The following WDR7 variants were observed in gnomAD, a reference collection of about 807,000 sequenced individuals.
The protein encoded by WDR7 is WD repeat-containing protein 7.
Under a neutral mutation model 169.4 loss-of-function variants are expected in WDR7, and 46 were observed. That is an observed-to-expected ratio of 0.27 (90% CI 0.21 to 0.35). WDR7 has a LOEUF of 0.35. WDR7 is among the 10% of genes least tolerant of loss of function. The probability of loss-of-function intolerance (pLI) is 1.00; values close to 1 mark genes in which losing one functional copy is unlikely to be tolerated. For missense variants in WDR7, 1,534 were observed against 1,859.3 expected (o/e 0.83, Z 3.22); for synonymous variants, 612 against 666.8 (o/e 0.92, Z 1.27).
At chr18:56,818,306 G>A (rs1012991719) in intron 20 of WDR7, among the ~76,000 whole-genome samples, 1 of 152,160 alleles carries the variant, frequency 6.6e-6, no homozygotes, top group South Asian at 2.1e-4. Context: ...TTTGAATTAT[G>A]CACTACCAAA....
intron 20 of WDR7, among the ~76,000 whole-genome samples, chr18:56,817,343 C>CAAAAA (rs79929553): frequency 6.8e-4 from 48 of 70,648 alleles, no homozygotes; most frequent in African/African-American, 2.1e-3. Flanking sequence ...GACTCTGTCT[C>CAAAAA]AAAAAAAAAA....
intron 26 of WDR7, among the ~76,000 whole-genome samples, chr18:57,017,318 A>G (rs1460135876): frequency 6.6e-6 from 1 of 152,234 alleles, no homozygotes; most frequent in Non-Finnish European, 1.5e-5. Context: ...CTTACGAGAC[A>G]GCAGGTCTGT....
At chr18:56,821,657 T>TC (rs1167439087) in intron 20 of WDR7, among the ~76,000 whole-genome samples, 1 of 151,514 alleles carries the variant, frequency 6.6e-6, no homozygotes. Context: ...TCCTTTTTTT[T>TC]TTTTTGACAT....
intron 26 of WDR7, among the ~76,000 whole-genome samples, chr18:57,014,199 ACC>A: frequency 6.6e-6 from 1 of 151,724 alleles, no homozygotes; most frequent in South Asian, 2.1e-4. Context: ...CATGGCATGC[ACC>A]TGTAATCCCA....
intron 20 of WDR7, among the ~76,000 whole-genome samples, chr18:56,854,097 A>G (rs1055451093): frequency 6.6e-6 from 1 of 152,308 alleles, no homozygotes; most frequent in Admixed American, 6.5e-5. Flanking sequence ...TGCAGTCGGC[A>G]CAGAAGCCTT....
intron 26 of WDR7, among the ~76,000 whole-genome samples, chr18:56,984,397 T>C (rs1408410746): frequency 6.6e-6 from 1 of 152,222 alleles, no homozygotes; most frequent in South Asian, 2.1e-4. Flanking sequence ...TGTTCCTTTT[T>C]TGGAAACAAA....
At chr18:56,720,427 A>C (rs1227958442) in intron 13 of WDR7, among the ~76,000 whole-genome samples, 1 of 152,106 alleles carries the variant, frequency 6.6e-6, no homozygotes, top group African/African-American at 2.4e-5. Flanking sequence ...CCAGCCTGGG[A>C]GACAGAGAGA....
At chr18:57,031,384 A>G (rs2048440647), downstream of WDR7, 1 of 152,216 alleles carries the variant, frequency 6.6e-6, no homozygotes, top group Non-Finnish European at 1.5e-5. Context: ...CTTACCAGCA[A>G]GATTAGAGCC....
At position 56,696,321 on chromosome 18, in the gene WDR7, G is replaced by A. The variant is rs752020366; in HGVS notation, c.1437G>A (p.Arg479=). The A allele has an allele frequency of 3.1e-6, 5 of 1,614,024 alleles. No individual in the cohort carries two copies. The African/African-American group carries it at 6.7e-5, about 22-fold the overall frequency. ...CLLYPHQVSA[R]YDQRYLISGG... ...TATATCCTCATCAGGTCTCAGCTCG[G>A]TATGATCAAAGATACCTGATATCTG... is the stretch of plus-strand genomic sequence containing the variant. Residue 479 remains arginine (R), a synonymous_variant, in exon 12 of 28, where the codon CGG becomes CGA. Coordinates refer to ENST00000254442, the MANE Select transcript of WDR7 (RefSeq NM_015285.3).
At chr18:56,879,749 C>G (rs1259429248) in intron 20 of WDR7, among the ~76,000 whole-genome samples, 195 bp from the exon 21 acceptor site, 1 of 150,740 alleles carries the variant, frequency 6.6e-6, no homozygotes, top group Non-Finnish European at 1.5e-5. Context: ...GATCAATTTT[C>G]AGGTTTTTTT....
intron 21 of WDR7, among the ~76,000 whole-genome samples, chr18:56,893,025 T>C (rs2046285077): frequency 6.6e-6 from 1 of 152,072 alleles, no homozygotes; most frequent in African/African-American, 2.4e-5. Flanking sequence ...AATAATTTTT[T>C]GGTCTAGAAT....
intron 19 of WDR7, chr18:56,781,891 T>A: frequency 3.1e-6 from 1 of 326,646 alleles, no homozygotes; most frequent in Non-Finnish European, 5.3e-6. Flanking sequence ...ATGAACTGAC[T>A]TTTATAAATG....
At chr18:56,793,317 A>G (rs1183171783) in intron 19 of WDR7, among the ~76,000 whole-genome samples, 1 of 152,206 alleles carries the variant, frequency 6.6e-6, no homozygotes, top group South Asian at 2.1e-4. Context: ...AGATTCATAT[A>G]TATTCAGTCA....
At chr18:56,757,409 ATTTT>A in intron 15 of WDR7, 57 bp downstream of exon 15, 1 of 1,454,588 alleles carries the variant, frequency 6.9e-7, no homozygotes, top group Non-Finnish European at 9.1e-7. Flanking sequence ...AACCTGTTTT[ATTTT>A]TTCATTGTTG....
At chr18:56,682,947 G>A (rs1043941646) in intron 5 of WDR7, 94 bp downstream of exon 5, 10 of 1,304,516 alleles carry the variant, frequency 7.7e-6, no homozygotes, top group African/African-American at 1.5e-5. Flanking sequence ...TAATACTTTG[G>A]GATATATTCT....
At chr18:56,923,415 A>G (rs1042311149) in intron 21 of WDR7, among the ~76,000 whole-genome samples, 8 of 152,338 alleles carry the variant, frequency 5.3e-5, no homozygotes, top group Non-Finnish European at 8.8e-5. Context: ...ACACCAGAAT[A>G]TAGAGGAAAA....
At chr18:57,006,981 CT>C (rs780576391) in intron 26 of WDR7, among the ~76,000 whole-genome samples, 228 of 141,456 alleles carry the variant, frequency 1.6e-3, no homozygotes, top group Middle Eastern at 7.2e-3. Flanking sequence ...TCTTTCCTAA[CT>C]TTTTTTTTTT....
intron 19 of WDR7, among the ~76,000 whole-genome samples, chr18:56,800,979 T>C (rs1007024391): frequency 1.3e-5 from 2 of 152,174 alleles, no homozygotes; most frequent in African/African-American, 4.8e-5. Context: ...GGGAAACATA[T>C]GTATGTGCAC....
chr18:56,842,651 G>A (rs2045504325), intron 20 of WDR7, among the ~76,000 whole-genome samples: 1 of 152,120 alleles, frequency 6.6e-6, no homozygotes, highest in Non-Finnish European at 1.5e-5. Context: ...ATTGAAGTAT[G>A]CTAAATATAA....
Sources: gnomAD v4.1 joint callset for allele counts (sites outside exome capture counted in the v4.1 genomes callset) on GRCh38, gnomAD v4.1.1 for gene constraint, MANE v1.5 for transcripts, NCBI Gene and HGNC (gene_info 2026-07-23, HGNC 2026-07-21) for gene names.